COX7B2: variants seen among roughly 807,000 people sequenced by gnomAD.
COX7B2 encodes the protein cytochrome c oxidase subunit 7B2, mitochondrial.
For synonymous variants in COX7B2, 37 were observed against 32.1 expected (o/e 1.15, Z -0.51); for missense variants, 109 against 95.9 (o/e 1.14, Z -0.57).
At chr4:46,778,641 A>G (rs1405635511) in intron 2 of COX7B2, among the ~76,000 whole-genome samples, 1 of 152,164 alleles carries the variant, frequency 6.6e-6, no homozygotes, top group East Asian at 1.9e-4. Context: ...AAGCATATAG[A>G]ATCAGTAGAC....
intron 1 of COX7B2, among the ~76,000 whole-genome samples, chr4:46,865,780 C>T (rs913235086): frequency 6.6e-6 from 1 of 152,150 alleles, no homozygotes; most frequent in African/African-American, 2.4e-5. Context: ...TTCTTGGTTG[C>T]CGACTCTGTC....
At chr4:46,878,069 A>G (rs565870385) in intron 1 of COX7B2, among the ~76,000 whole-genome samples, 127 of 152,216 alleles carry the variant, frequency 8.3e-4, no homozygotes, top group African/African-American at 2.9e-3. Context: ...CCTTAAAAAA[A>G]AAGGTAATAA....
intron 2 of COX7B2, among the ~76,000 whole-genome samples, chr4:46,793,833 G>A (rs139715210): frequency 1.3e-5 from 2 of 152,290 alleles, no homozygotes; most frequent in African/African-American, 4.8e-5. Context: ...ATTGAGATGT[G>A]TGGGAAGACC....
chr4:46,756,016 C>G (rs767915746), intron 2 of COX7B2, among the ~76,000 whole-genome samples: 1 of 151,748 alleles, frequency 6.6e-6, no homozygotes, highest in Non-Finnish European at 1.5e-5. Context: ...AAATCCTAAC[C>G]AAAAAGAACA....
intron 2 of COX7B2, among the ~76,000 whole-genome samples, chr4:46,807,262 GTTAA>G (rs1209255958): frequency 1.3e-5 from 2 of 151,704 alleles, no homozygotes; most frequent in Non-Finnish European, 1.5e-5. Flanking sequence ...TTTCCTAATG[GTTAA>G]TTATGTTGAG....
intron 1 of COX7B2, among the ~76,000 whole-genome samples, chr4:46,867,314 T>C (rs1717724137): frequency 1.3e-5 from 2 of 152,064 alleles, no homozygotes; most frequent in African/African-American, 4.8e-5. Context: ...GTATATAATC[T>C]CTAATGGGAA....
chr4:46,750,325 T>A (rs908854043), intron 2 of COX7B2, among the ~76,000 whole-genome samples: 7 of 151,706 alleles, frequency 4.6e-5, no homozygotes, highest in African/African-American at 1.5e-4. Context: ...GCCCAGAAAT[T>A]GGAGGCTACA....
intron 1 of COX7B2, among the ~76,000 whole-genome samples, chr4:46,864,271 G>A (rs1261655046): frequency 6.6e-6 from 1 of 152,000 alleles, no homozygotes; most frequent in Non-Finnish European, 1.5e-5. Context: ...GATTAAACCT[G>A]TTTCTTATGA....
chr4:46,769,442 G>T lies in COX7B2; in HGVS notation c.-49-34201C>A, dbSNP rs189692766. ...AATATGATATATCACATTAAGAGTG[G>T]TGATTTTGGCCGGGCACGGTGGCTC... is the stretch of plus-strand genomic sequence containing the variant. On this transcript the variant is annotated intron_variant, in intron 2 of 2. Coordinates refer to ENST00000355591, the MANE Select transcript of COX7B2 (RefSeq NM_130902.3). Among the ~76,000 whole-genome samples, 185 of 152,268 alleles carry T rather than the reference G, an allele frequency of 1.2e-3. 1 individual carries two copies. The highest frequency in any genetic ancestry group is 4.2e-3 in the African/African-American group (175 of 41,576).
chr4:46,852,301 C>G (rs543810603), intron 1 of COX7B2, among the ~76,000 whole-genome samples: 1 of 152,104 alleles, frequency 6.6e-6, no homozygotes, highest in Non-Finnish European at 1.5e-5. Context: ...CTCCTATGCT[C>G]TTGTGACAAA....
chr4:46,892,788 G>T (rs190451619), intron 1 of COX7B2, among the ~76,000 whole-genome samples: 4 of 152,124 alleles, frequency 2.6e-5, no homozygotes, highest in Non-Finnish European at 1.5e-5. Flanking sequence ...ATACGGTTTC[G>T]CTGTGTCCCC....
intron 1 of COX7B2, among the ~76,000 whole-genome samples, chr4:46,874,941 G>A (rs1718231554): frequency 6.6e-6 from 1 of 152,090 alleles, no homozygotes. Context: ...GCTGGTCTCT[G>A]AGGTAATTCT....
intron 2 of COX7B2, among the ~76,000 whole-genome samples, chr4:46,795,476 T>C (rs1207855295): frequency 1.5e-5 from 2 of 136,916 alleles, no homozygotes; most frequent in South Asian, 2.3e-4. Context: ...CCATTGCTTG[T>C]TTTTCTCAGG....
At chr4:46,766,379 CT>C (rs1201843631) in intron 2 of COX7B2, among the ~76,000 whole-genome samples, 1 of 151,922 alleles carries the variant, frequency 6.6e-6, no homozygotes, top group Non-Finnish European at 1.5e-5. Context: ...AGTGTGACAC[CT>C]TTTTTGTCAC....
chr4:46,815,278 C>A (rs1202374453), intron 2 of COX7B2, among the ~76,000 whole-genome samples: 5 of 151,826 alleles, frequency 3.3e-5, no homozygotes, highest in African/African-American at 1.2e-4. Context: ...TTAGACTCTT[C>A]TCTTACATTT....
At chr4:46,739,208 A>C (rs567347378) in intron 2 of COX7B2, among the ~76,000 whole-genome samples, 1 of 152,220 alleles carries the variant, frequency 6.6e-6, no homozygotes, top group South Asian at 2.1e-4. Context: ...TTTTACACCT[A>C]AGAACAAATG....
intron 2 of COX7B2, among the ~76,000 whole-genome samples, chr4:46,837,794 C>T (rs2109746726): frequency 6.6e-6 from 1 of 152,168 alleles, no homozygotes; most frequent in African/African-American, 2.4e-5. Context: ...TGTTCCTATA[C>T]TGCCTTATGC....
chr4:46,759,487 T>C (rs902878791), intron 2 of COX7B2, among the ~76,000 whole-genome samples: 4 of 151,934 alleles, frequency 2.6e-5, no homozygotes, highest in African/African-American at 9.7e-5. Context: ...TACAAAGAAC[T>C]TAAATAAATT....
chr4:46,752,315 T>G (rs1264872672), intron 2 of COX7B2, among the ~76,000 whole-genome samples: 1 of 151,168 alleles, frequency 6.6e-6, no homozygotes, highest in African/African-American at 2.4e-5. Flanking sequence ...AAGGAGATTT[T>G]GGGCTGAGAG....
Sources: allele counts gnomAD v4.1 joint callset (sites outside exome capture counted in the v4.1 genomes callset), GRCh38; gene constraint gnomAD v4.1.1; transcripts MANE v1.5; gene names NCBI Gene and HGNC (gene_info 2026-07-23, HGNC 2026-07-21).